RBKS: variants seen among roughly 807,000 people sequenced by gnomAD.
RBKS encodes ribokinase.
In RBKS, 33 loss-of-function variants were observed where a neutral mutation model predicts 33.9. The observed-to-expected ratio is 0.97, with a 90% CI of 0.74 to 1.30. The LOEUF is 1.30. Ranked by LOEUF, RBKS falls within the 50% of genes most tolerant of loss-of-function variation. The pLI is 0.00. For synonymous variants in RBKS, 125 were observed against 143.0 expected (o/e 0.87, Z 0.90); for missense variants, 361 against 392.6 (o/e 0.92, Z 0.68).
chr2:27,873,265 G>C (rs763009484), intron 1 of RBKS, among the ~76,000 whole-genome samples: 1 of 152,148 alleles, frequency 6.6e-6, no homozygotes, highest in Non-Finnish European at 1.5e-5. Flanking sequence ...TAGGGTTAAA[G>C]TTCTGCTGGA....
intron 7 of RBKS, among the ~76,000 whole-genome samples, chr2:27,797,655 A>G (rs1051325483): frequency 5.3e-5 from 8 of 152,260 alleles, no homozygotes; most frequent in African/African-American, 1.9e-4. Flanking sequence ...GCTCCACTGC[A>G]TGGGGGGTCC....
chr2:27,838,268 T>C (rs773614446), intron 5 of RBKS, among the ~76,000 whole-genome samples: 4 of 152,066 alleles, frequency 2.6e-5, no homozygotes, highest in Non-Finnish European at 5.9e-5. Flanking sequence ...AAAGATGGAA[T>C]TTAAAAGTAG....
At chr2:27,872,466 T>C (rs1430540753) in intron 1 of RBKS, among the ~76,000 whole-genome samples, 2 of 151,754 alleles carry the variant, frequency 1.3e-5, no homozygotes, top group African/African-American at 2.4e-5. Flanking sequence ...ACAAGGCAAA[T>C]AGCAACTAAA....
chr2:27,849,602 A>C (rs1663697947), intron 2 of RBKS, among the ~76,000 whole-genome samples: 1 of 150,544 alleles, frequency 6.6e-6, no homozygotes, highest in African/African-American at 2.4e-5. Context: ...AGAAAAAAAG[A>C]AAAAAAAGAA....
intron 2 of RBKS, among the ~76,000 whole-genome samples, chr2:27,850,069 G>A (rs4666023): frequency 6.6e-6 from 1 of 152,194 alleles, no homozygotes; most frequent in East Asian, 1.9e-4. Flanking sequence ...GAACTCTACA[G>A]TTGAATCTAC....
chr2:27,852,312 A>G (rs1358178743), intron 2 of RBKS, among the ~76,000 whole-genome samples: 3 of 152,264 alleles, frequency 2.0e-5, no homozygotes, highest in African/African-American at 7.2e-5. Context: ...CTTTGATTAC[A>G]TTTAAATCTA....
At chr2:27,823,785 A>G (rs1372533401) in intron 7 of RBKS, among the ~76,000 whole-genome samples, 4 of 152,204 alleles carry the variant, frequency 2.6e-5, no homozygotes, top group Non-Finnish European at 2.9e-5. Context: ...GGGGATGCTG[A>G]GAGTCCATTC....
intron 7 of RBKS, among the ~76,000 whole-genome samples, chr2:27,798,345 C>G (rs1265808583): frequency 2.0e-5 from 3 of 152,186 alleles, no homozygotes; most frequent in Non-Finnish European, 4.4e-5. Flanking sequence ...GCAACTCTAA[C>G]TCAACACGGC....
At chr2:27,840,394 A>ACACC (rs1663466849) in intron 5 of RBKS, among the ~76,000 whole-genome samples, 2 of 139,422 alleles carry the variant, frequency 1.4e-5, no homozygotes, top group Non-Finnish European at 3.1e-5. Flanking sequence ...ACACACACAC[A>ACACC]CCCTCCTCAT....
chr2:27,884,367 C>T (rs569703941), intron 1 of RBKS, among the ~76,000 whole-genome samples: 116 of 149,090 alleles, frequency 7.8e-4, no homozygotes, highest in Non-Finnish European at 1.1e-3. Flanking sequence ...CCCACCTCAG[C>T]CCCCCAGTAG....
At chr2:27,836,843 A>G (rs528068892) in intron 5 of RBKS, among the ~76,000 whole-genome samples, 1 of 152,384 alleles carries the variant, frequency 6.6e-6, no homozygotes, top group South Asian at 2.1e-4. Context: ...GGACATGAAC[A>G]GACATTTCTC....
Position 27,795,330 on chromosome 2 carries a change from C to G in RBKS, c.796-13542G>C, listed in dbSNP as rs1370586195. 6.6e-6 allele frequency among the ~76,000 whole-genome samples: 1 copy of G among 152,112 alleles called. No homozygotes were observed. The highest frequency in any genetic ancestry group is 1.9e-4 in the East Asian group (1 of 5,184). ...CAAACCACAAAGAAGCAGGGAGGCT[C>G]CTGGCTGACAGGGGCCTTCGGGTCA... On this transcript the variant is annotated intron_variant, in intron 7 of 7. Coordinates refer to ENST00000302188, the MANE Select transcript of RBKS (RefSeq NM_022128.3). This position sits in a 1 kb window ranked among gnomAD's most constrained non-coding sequence, Gnocchi z 4.1.
In RBKS at chr2:27,810,682, T is replaced by C. The variant is rs1174173045; in HGVS notation, c.795+16885A>G. On this transcript the variant is annotated intron_variant, in intron 7 of 7. Coordinates refer to ENST00000302188, the MANE Select transcript of RBKS (RefSeq NM_022128.3). The surrounding 1 kb of genome is among the most constrained non-coding windows in gnomAD (Gnocchi z 4.4). ...TTAGTTATCGCCCCACTGCCCCCACTTTTTTTAAGGAAATGAACTATCTTT... is the reference window on the plus strand; with the variant it reads ...TTAGTTATCGCCCCACTGCCCCCACCTTTTTTAAGGAAATGAACTATCTTT... Among the ~76,000 whole-genome samples the C allele has an allele frequency of 6.6e-6, 1 of 152,048 alleles. No individual in the cohort carries two copies. Among genetic ancestry groups the C allele is most frequent in the Admixed American group, 6.6e-5 (1 of 15,254 alleles).
intron 1 of RBKS, among the ~76,000 whole-genome samples, chr2:27,879,170 C>T (rs557488381): frequency 2.0e-5 from 3 of 152,186 alleles, no homozygotes; most frequent in South Asian, 2.1e-4. Context: ...AAATTTGGCT[C>T]GGGGGCATCT....
rs778038098 is a variant in RBKS, at chr2:27,847,009, A to T, written c.349+33T>A. 9.0e-6 allele frequency: 13 copies of T among 1,450,906 alleles called. No individual in the cohort carries two copies. The South Asian group carries it at 1.5e-4, about 17-fold the overall frequency. 89.9% of individuals were successfully genotyped at this position (1,450,906 alleles called of 1,614,324 possible). A position where few individuals can be genotyped will look rare whatever the true frequency, so the allele number is the denominator to read the frequency against. On this transcript the variant is annotated intron_variant, in intron 4 of 7. Transcript: ENST00000302188. ...TCTAACTCTGGAAATACACTGTCTTATGAAATGACACTCCAATATGCAAAA... is the reference window on the plus strand; with the variant it reads ...TCTAACTCTGGAAATACACTGTCTTTTGAAATGACACTCCAATATGCAAAA...
At chr2:27,873,803 C>G (rs1254545553) in intron 1 of RBKS, among the ~76,000 whole-genome samples, 4 of 151,634 alleles carry the variant, frequency 2.6e-5, no homozygotes, top group Non-Finnish European at 5.9e-5. Context: ...AAGCCAGTAC[C>G]TAATATGTGA....
At chr2:27,802,614 G>A (rs566033623) in intron 7 of RBKS, among the ~76,000 whole-genome samples, 82 of 152,296 alleles carry the variant, frequency 5.4e-4, no homozygotes, top group African/African-American at 1.9e-3. Flanking sequence ...CAGTGGCCCA[G>A]TCAGGGACTT....
intron 7 of RBKS, among the ~76,000 whole-genome samples, chr2:27,797,954 G>C (rs1293267293): frequency 6.6e-6 from 1 of 152,082 alleles, no homozygotes; most frequent in Non-Finnish European, 1.5e-5. Flanking sequence ...GAACTGAAGT[G>C]GTTCCAAGGA....
chr2:27,789,400 C>CTTT (rs569506674), intron 7 of RBKS, among the ~76,000 whole-genome samples: 24 of 130,252 alleles, frequency 1.8e-4, no homozygotes, highest in African/African-American at 5.7e-4. Context: ...GATTTTGAAG[C>CTTT]TTTTTTTTTT....
Sources: allele counts gnomAD v4.1 joint callset (sites outside exome capture counted in the v4.1 genomes callset), GRCh38; gene constraint gnomAD v4.1.1; non-coding constraint Gnocchi (gnomAD v3.1); transcripts MANE v1.5; gene names NCBI Gene and HGNC (gene_info 2026-07-23, HGNC 2026-07-21).